The following DEPDC5 variants were observed in gnomAD, a reference collection of about 807,000 sequenced individuals.
DEPDC5 encodes DEP domain containing 5, GATOR1 subcomplex subunit.
Under a neutral mutation model 217.3 loss-of-function variants are expected in DEPDC5, and 73 were observed. The observed-to-expected ratio is 0.34, with a 90% CI of 0.28 to 0.41. The LOEUF (loss-of-function observed/expected upper bound fraction) is 0.41, where lower values mean the gene tolerates loss of function less well. DEPDC5 is among the 10% of genes least tolerant of loss of function. DEPDC5 has a pLI of 1.00. For missense variants in DEPDC5, 1,675 were observed against 2,070.1 expected (o/e 0.81, Z 3.70); for synonymous variants, 733 against 756.7 (o/e 0.97, Z 0.51).
At chr22:31,897,102 G>C (rs2093566804) in intron 39 of DEPDC5, among the ~76,000 whole-genome samples, 1 of 151,238 alleles carries the variant, frequency 6.6e-6, no homozygotes, top group Non-Finnish European at 1.5e-5. Flanking sequence ...GGGCAACAGA[G>C]AAAGACTGTC....
intron 38 of DEPDC5, among the ~76,000 whole-genome samples, chr22:31,889,293 G>T (rs187669799): frequency 6.6e-6 from 1 of 152,128 alleles, no homozygotes; most frequent in East Asian, 1.9e-4. Context: ...ATCATAATCC[G>T]CTAGAAACAT....
At chr22:31,824,692 G>A (rs780371188) in intron 24 of DEPDC5, among the ~76,000 whole-genome samples, 1 of 152,052 alleles carries the variant, frequency 6.6e-6, no homozygotes, top group Non-Finnish European at 1.5e-5. Context: ...ACCTAGCCGG[G>A]CACTGTGGCT....
intron 24 of DEPDC5, among the ~76,000 whole-genome samples, chr22:31,833,394 T>C (rs1453646372): frequency 6.6e-6 from 1 of 152,214 alleles, no homozygotes; most frequent in Admixed American, 6.5e-5. Flanking sequence ...CTGTGTCATA[T>C]TGTAGAAAGC....
chr22:31,852,339 ATTTT>A (rs71320909), intron 31 of DEPDC5, among the ~76,000 whole-genome samples: 1 of 125,960 alleles, frequency 7.9e-6, no homozygotes. Context: ...ATTTATTACT[ATTTT>A]TTTTTTTTTT....
Position 31,844,897 on chromosome 22 carries a change from A to G in DEPDC5, c.2802-121A>G, listed in dbSNP as rs976160493. 5.0e-6 allele frequency: 5 copies of G among 994,098 alleles called. No individual in the cohort carries two copies. The African/African-American group carries it at 8.1e-5, about 16-fold the overall frequency. 61.6% of individuals were successfully genotyped at this position (994,098 alleles called of 1,614,324 possible). A position where few individuals can be genotyped will look rare whatever the true frequency, so the allele number is the denominator to read the frequency against. On this transcript the variant is annotated intron_variant, in intron 29 of 42. Coordinates refer to ENST00000651528, the MANE Select transcript of DEPDC5 (RefSeq NM_001242896.3). The stretch of plus-strand genomic sequence containing the variant: ...AACAAAGCCATGAGCTGTAGCATCA[A>G]ATGAGCACATACTCATGGGGAGATG...
chr22:31,897,419 A>G, intron 39 of DEPDC5, 63 bp from the exon 40 acceptor site: 1 of 1,541,164 alleles, frequency 6.5e-7, no homozygotes, highest in Non-Finnish European at 8.8e-7. Flanking sequence ...CTCCTTGGGA[A>G]GTATTTTCTC....
chr22:31,839,089 A>C (rs2148971264), intron 27 of DEPDC5, among the ~76,000 whole-genome samples: 2 of 152,328 alleles, frequency 1.3e-5, no homozygotes, highest in South Asian at 4.1e-4. Context: ...GGAATGGGAC[A>C]GCCTGGCTTG....
intron 40 of DEPDC5, 87 bp from the exon 41 acceptor site, chr22:31,901,655 G>A: frequency 8.5e-7 from 1 of 1,179,776 alleles, no homozygotes; most frequent in East Asian, 2.6e-5. Flanking sequence ...TGATTGCCAA[G>A]AGTAGTAAAG....
At chr22:31,849,279 T>C (rs1007184738) in intron 31 of DEPDC5, among the ~76,000 whole-genome samples, 1 of 152,196 alleles carries the variant, frequency 6.6e-6, no homozygotes, top group Non-Finnish European at 1.5e-5. Flanking sequence ...ATTTACTGTA[T>C]TAGTCCATTC....
chr22:31,844,702 CTTTTTTTTTTTTT>C (rs136860), intron 29 of DEPDC5: 4 of 131,736 alleles, frequency 3.0e-5, no homozygotes, highest in East Asian at 3.9e-4. Flanking sequence ...CTTCAGAGCT[CTTTTTTTTTTTTT>C]TTTTTTTTTT....
At chr22:31,862,106 G>A (rs903533554) in intron 33 of DEPDC5, among the ~76,000 whole-genome samples, 2 of 152,134 alleles carry the variant, frequency 1.3e-5, no homozygotes, top group African/African-American at 2.4e-5. Context: ...GCTGGGCGTG[G>A]TGGTGCATGC....
At chr22:31,788,982 C>T (rs968693283) in intron 10 of DEPDC5, among the ~76,000 whole-genome samples, 3 of 152,178 alleles carry the variant, frequency 2.0e-5, no homozygotes, top group Non-Finnish European at 4.4e-5. Flanking sequence ...CTGCAACTTC[C>T]ACCTCCCAGG....
In DEPDC5 at chr22:31,777,609, TGTTCATATTCAGTATAGTATGAGA is replaced by T. The variant is rs1288699699; in HGVS notation, c.414-485_414-462del. On this transcript the variant is annotated intron_variant, in intron 7 of 42. Transcript: ENST00000651528. ...TGTGGACTCCCAGATTAAGAGCCCCTGTTCATATTCAGTATAGTATGAGAGTTCTTTATATTGGATAATCTGTTC... is the reference window on the plus strand; with the variant it reads ...TGTGGACTCCCAGATTAAGAGCCCCTGTTCTTTATATTGGATAATCTGTTC... Among the ~76,000 whole-genome samples, 5 of 152,016 alleles carry T rather than the reference TGTTCATATTCAGTATAGTATGAGA, an allele frequency of 3.3e-5. No individual in the cohort carries two copies. The South Asian group carries it at 1.0e-3, about 32-fold the overall frequency.
intron 24 of DEPDC5, among the ~76,000 whole-genome samples, chr22:31,823,723 G>C (rs1276208139): frequency 6.6e-6 from 1 of 152,092 alleles, no homozygotes; most frequent in Non-Finnish European, 1.5e-5. Context: ...TATCACCCCA[G>C]TGGGTGATCA....
At chr22:31,756,357 G>C (rs956938530) in intron 2 of DEPDC5, among the ~76,000 whole-genome samples, 2 of 152,140 alleles carry the variant, frequency 1.3e-5, no homozygotes, top group Non-Finnish European at 2.9e-5. Flanking sequence ...TAGACTCTGT[G>C]CTCAATAAAT....
intron 32 of DEPDC5, among the ~76,000 whole-genome samples, chr22:31,860,003 G>A (rs1187410883): frequency 1.3e-5 from 2 of 152,196 alleles, no homozygotes; most frequent in Non-Finnish European, 2.9e-5. Context: ...TGCCATCTTT[G>A]AGGGTCAGAA....
At chr22:31,761,687 G>C (rs917467140) in intron 4 of DEPDC5, among the ~76,000 whole-genome samples, 1 of 145,936 alleles carries the variant, frequency 6.9e-6, no homozygotes, top group African/African-American at 2.6e-5. Flanking sequence ...AAAAAAATAG[G>C]CCAGGCACGG....
chr22:31,870,776 T>C (rs1293997124), intron 34 of DEPDC5, 32 bp downstream of exon 34: 2 of 1,500,590 alleles, frequency 1.3e-6, no homozygotes. Flanking sequence ...CTCATGTTCC[T>C]GGGGAGTGGG....
intron 38 of DEPDC5, chr22:31,891,170 TAA>T (rs1364696972): frequency 1.0e-4 from 53 of 525,614 alleles, no homozygotes; most frequent in South Asian, 7.6e-4. Context: ...GCTCCTTCTT[TAA>T]ACTGTCAAGT....
Sources: gnomAD v4.1 joint callset for allele counts (sites outside exome capture counted in the v4.1 genomes callset) on GRCh38, gnomAD v4.1.1 for gene constraint, MANE v1.5 for transcripts, NCBI Gene and HGNC (gene_info 2026-07-23, HGNC 2026-07-21) for gene names.